RNASEH1: variants seen among roughly 807,000 people sequenced by gnomAD.
RNASEH1 encodes the protein ribonuclease H1.
In RNASEH1, 27 loss-of-function variants were observed where a neutral mutation model predicts 34.6. That is an observed-to-expected ratio of 0.78 (90% CI 0.58 to 1.08). RNASEH1 has a LOEUF of 1.08. RNASEH1 is among the 50% of genes least tolerant of loss of function. RNASEH1 has a pLI of 0.00. For missense variants in RNASEH1, 349 were observed against 373.6 expected, an observed-to-expected ratio of 0.93 and a Z score of 0.54; for synonymous variants, 162 against 138.4, an observed-to-expected ratio of 1.17 and a Z score of -1.20.
intron 4 of RNASEH1, among the ~76,000 whole-genome samples, chr2:3,549,925 GAT>G (rs1216576212): frequency 1.4e-5 from 2 of 147,600 alleles, no homozygotes; most frequent in Non-Finnish European, 3.0e-5. Context: ...TAGCCTGGGC[GAT>G]AGAGTGAGAC....
intron 4 of RNASEH1, 99 bp from the exon 5 acceptor site, chr2:3,549,211 G>T: frequency 1.1e-6 from 1 of 948,894 alleles, no homozygotes; most frequent in Non-Finnish European, 1.7e-6. Flanking sequence ...ATTCTTATTT[G>T]AAATATAAAA....
intron 4 of RNASEH1, 199 bp downstream of exon 4, chr2:3,550,174 G>C (rs1475410952): frequency 1.1e-5 from 5 of 457,492 alleles, no homozygotes; most frequent in Non-Finnish European, 1.6e-5. Context: ...AAAAGCAAAG[G>C]AAGTAAAGCT....
chr2:3,547,951 G>A lies in RNASEH1; in HGVS notation c.754C>T (p.Gln252Ter), dbSNP rs368431462. Residue 252 changes from glutamine (Q) to a stop codon, truncating the protein, a stop_gained, in exon 7 of 8, where the codon CAG (glutamine) becomes TAG (stop). Transcript: ENST00000315212. LOFTEE classifies it high-confidence loss of function. ...EDFVALERLT[Q>*]GMDIQWMHVP... ...CTCACCCACTGAATGTCCATCCCCT[G>A]GGTAAGCCTCTCCAGTGCCACAAAG... 15 of 1,613,718 alleles carry A rather than the reference G, an allele frequency of 9.3e-6. No homozygotes were observed. The highest frequency in any genetic ancestry group is 1.2e-5 in the Non-Finnish European group (14 of 1,179,738).
intron 6 of RNASEH1, 29 bp from the exon 7 acceptor site, chr2:3,548,084 CA>C: frequency 6.2e-7 from 1 of 1,613,320 alleles, no homozygotes; most frequent in Non-Finnish European, 8.5e-7. Flanking sequence ...ACTGGTGAGT[CA>C]ATCTTGAGTG....
At chr2:3,548,132 A>G (rs143867173) in intron 6 of RNASEH1, 77 bp from the exon 7 acceptor site, 33 of 1,524,220 alleles carry the variant, frequency 2.2e-5, no homozygotes, top group Non-Finnish European at 2.9e-5. Flanking sequence ...TACCTCTTAT[A>G]ATTGATCCCA....
downstream of RNASEH1, among the ~76,000 whole-genome samples, chr2:3,537,248 G>C (rs1668034729): frequency 6.6e-6 from 1 of 152,214 alleles, no homozygotes; most frequent in South Asian, 2.1e-4. Context: ...GAGCTGCAAA[G>C]ACTGGGGTGG....
At chr2:3,537,481 G>A (rs1668044041), downstream of RNASEH1, among the ~76,000 whole-genome samples, 1 of 152,182 alleles carries the variant, frequency 6.6e-6, no homozygotes, top group Non-Finnish European at 1.5e-5. Context: ...CCAGCGTGTT[G>A]GGAGGCCGAG....
chr2:3,549,108 C>T lies in RNASEH1; in HGVS notation c.514G>A (p.Val172Ile). 1.2e-6 allele frequency: 2 copies of T among 1,612,524 alleles called. No homozygotes were observed. The highest frequency in any genetic ancestry group is 2.2e-5 in the East Asian group (1 of 44,866). Residue 172 changes from valine to isoleucine, a missense_variant, in exon 5 of 8, where the codon GTA becomes ATA. This residue lies in a region of RNASEH1 where 256 missense variants were observed against 240.7 expected (regional missense o/e 1.06). Coordinates refer to ENST00000315212, the MANE Select transcript of RNASEH1 (RefSeq NM_002936.6). ...VYWGPGHPLN[V>I]GIRLPGRQTN... ...TGCCGCCCAGGAAGTCTAATGCCTA[C>T]ATTTCTGTTTCAAAACAGTACAAAA...
chr2:3,553,397 G>T (rs550249797), intron 2 of RNASEH1, among the ~76,000 whole-genome samples: 2 of 145,214 alleles, frequency 1.4e-5, no homozygotes, highest in East Asian at 4.1e-4. Context: ...ATCCCAAATA[G>T]TTTTTTTTTT....
At chr2:3,539,523 C>T (rs1012053213), downstream of RNASEH1, among the ~76,000 whole-genome samples, 4 of 152,198 alleles carry the variant, frequency 2.6e-5, no homozygotes, top group Admixed American at 2.0e-4. Flanking sequence ...GCTGCTTGAA[C>T]GAGCTGGCCA....
intron 5 of RNASEH1, 121 bp from the exon 6 acceptor site, chr2:3,548,845 C>A (rs1669010251): frequency 6.7e-6 from 5 of 748,666 alleles, no homozygotes; most frequent in Non-Finnish European, 1.1e-5. Flanking sequence ...CTGTATGAAA[C>A]ACTACTATAC....
rs1320022706 is a variant in RNASEH1 at position 3,542,485 on chromosome 2, A to T, written c.*3300T>A. Among the ~76,000 whole-genome samples, 1 of 152,214 alleles carries T rather than the reference A, an allele frequency of 6.6e-6. No individual in the cohort carries two copies. Among genetic ancestry groups the T allele is most frequent in the Admixed American group, 6.5e-5 (1 of 15,276 alleles). On this transcript the variant is annotated 3_prime_UTR_variant, in exon 8 of 8. Transcript: ENST00000315212. The stretch of plus-strand genomic sequence containing the variant: ...AAGAATTTCGTATCCAGCAAAACTG[A>T]ATTCAACATCAGAAACTCAAGGAAT...
At chr2:3,546,468 T>C (rs990999955) in intron 7 of RNASEH1, among the ~76,000 whole-genome samples, 5 of 152,240 alleles carry the variant, frequency 3.3e-5, no homozygotes, top group Non-Finnish European at 5.9e-5. Flanking sequence ...ACCAAGGCTT[T>C]AATCATACAA....
intron 2 of RNASEH1, among the ~76,000 whole-genome samples, chr2:3,553,120 C>T (rs1660143888): frequency 6.6e-6 from 1 of 151,746 alleles, no homozygotes; most frequent in Admixed American, 6.6e-5. Flanking sequence ...TGATGGCGGG[C>T]ACCTGTAATC....
chr2:3,554,894 C>T (rs985952094), intron 2 of RNASEH1, among the ~76,000 whole-genome samples: 2 of 152,188 alleles, frequency 1.3e-5, no homozygotes, highest in Non-Finnish European at 2.9e-5. Flanking sequence ...GCTGTAACAG[C>T]GAGGAGGCGG....
At position 3,558,251 on chromosome 2, in the gene RNASEH1, G is replaced by C. The variant is rs1136545; in HGVS notation, c.10C>G (p.Leu4Val). 1 of 1,588,586 alleles carries C rather than the reference G, an allele frequency of 6.3e-7. No individual in the cohort carries two copies. The highest frequency in any genetic ancestry group is 1.8e-5 in the Admixed American group (1 of 55,328). MSWLLFLAHRVALA... is the reference protein window; with the variant it reads MSWVLFLAHRVALA... ...GCGACTCTGTGGGCCAGGAACAGAAGCCAGCTCATCGCTCACTCCCGGCAC... is the reference window on the plus strand; with the variant it reads ...GCGACTCTGTGGGCCAGGAACAGAACCCAGCTCATCGCTCACTCCCGGCAC... The change falls in exon 1 of 8, where the codon CTT (leucine) becomes GTT (valine). Residue 4 changes from leucine to valine, a missense_variant. By Grantham distance (32) the Leu-to-Val change is conservative. Around this residue, in one of 2 missense-constraint regions of RNASEH1, gnomAD observed 256 missense variants for 240.7 expected, o/e 1.06. Coordinates refer to ENST00000315212, the MANE Select transcript of RNASEH1 (RefSeq NM_002936.6).
chr2:3,535,590 C>T, the RNASEH1 span, among the ~76,000 whole-genome samples: 9 of 151,746 alleles, frequency 5.9e-5, no homozygotes, highest in African/African-American at 2.2e-4. Flanking sequence ...CATTGAGGAA[C>T]GGCAGTAAGA....
chr2:3,536,804 T>C (rs1354886494), downstream of RNASEH1: 2 of 152,316 alleles, frequency 1.3e-5, no homozygotes, highest in African/African-American at 4.8e-5. Context: ...TTTCTCCCAG[T>C]TCTGGAGGCT....
Position 3,543,241 on chromosome 2 carries a change from T to C in RNASEH1, c.*2544A>G, listed in dbSNP as rs558371949. ...GTCTTTCCCTTCCTGTGGCTATAAA[T>C]AAATACAGCCTGCACACAACGCACA... On this transcript the variant is annotated 3_prime_UTR_variant, in exon 8 of 8. Coordinates refer to ENST00000315212, the MANE Select transcript of RNASEH1 (RefSeq NM_002936.6). Among the ~76,000 whole-genome samples, 15 of 152,320 alleles carry C rather than the reference T, an allele frequency of 9.8e-5. No individual in the cohort carries two copies. The South Asian group carries it at 1.9e-3, about 19-fold the overall frequency.
Sources: allele counts gnomAD v4.1 joint callset (sites outside exome capture counted in the v4.1 genomes callset), GRCh38; gene constraint gnomAD v4.1.1; regional missense constraint gnomAD v4.1.1; transcripts MANE v1.5; gene names NCBI Gene and HGNC (gene_info 2026-07-23, HGNC 2026-07-21).